Variants in POU2AF2 observed in about 807,000 individuals in gnomAD.
POU2AF2 encodes the protein POU domain class 2-associating factor 2.
At chr11:111,260,912 A>G in the POU2AF2 span, among the ~76,000 whole-genome samples, 1 of 152,180 alleles carries the variant, frequency 6.6e-6, no homozygotes, top group Non-Finnish European at 1.5e-5. Context: ...TTTATTTGTG[A>G]CGACACTGAT....
At chr11:111,251,205 G>C in the POU2AF2 span, among the ~76,000 whole-genome samples, 2 of 152,256 alleles carry the variant, frequency 1.3e-5, no homozygotes, top group African/African-American at 4.8e-5. Context: ...GTAAAGAAAA[G>C]TCAGCAGACT....
chr11:111,249,777 G>A, the POU2AF2 span, among the ~76,000 whole-genome samples: 2 of 151,966 alleles, frequency 1.3e-5, no homozygotes, highest in African/African-American at 4.8e-5. Context: ...TCATTTTCCT[G>A]ATGCTACTAC....
the POU2AF2 span, among the ~76,000 whole-genome samples, chr11:111,253,094 CCT>C: frequency 6.6e-6 from 1 of 151,988 alleles, no homozygotes; most frequent in African/African-American, 2.4e-5. Context: ...GCTTTATTCC[CCT>C]GGTTTTTCCT....
the POU2AF2 span, among the ~76,000 whole-genome samples, chr11:111,259,382 C>T: frequency 2.1e-5 from 3 of 145,156 alleles, no homozygotes; most frequent in Non-Finnish European, 4.5e-5. Context: ...GTGGCACAAT[C>T]TCGGCTCACT....
At chr11:111,251,979 C>G in the POU2AF2 span, among the ~76,000 whole-genome samples, 1 of 152,190 alleles carries the variant, frequency 6.6e-6, no homozygotes, top group East Asian at 1.9e-4. Context: ...ATTTGTTAAA[C>G]TTATTTAGAA....
At chr11:111,276,824 A>G in the POU2AF2 span, among the ~76,000 whole-genome samples, 1 of 152,042 alleles carries the variant, frequency 6.6e-6, no homozygotes, top group Non-Finnish European at 1.5e-5. Context: ...GTCAAAACAA[A>G]TAATATTTTC....
chr11:111,265,007 C>A, the POU2AF2 span, among the ~76,000 whole-genome samples: 1 of 151,986 alleles, frequency 6.6e-6, no homozygotes, highest in African/African-American at 2.4e-5. Context: ...AAAAAGACTT[C>A]TTGGAGGAAA....
the POU2AF2 span, among the ~76,000 whole-genome samples, chr11:111,266,496 T>C: frequency 6.6e-6 from 1 of 152,126 alleles, no homozygotes; most frequent in South Asian, 2.1e-4. Flanking sequence ...AAAAGACACA[T>C]AAAGCAGAAG....
chr11:111,255,723 C>T, the POU2AF2 span, among the ~76,000 whole-genome samples: 1 of 152,152 alleles, frequency 6.6e-6, no homozygotes, highest in Non-Finnish European at 1.5e-5. Flanking sequence ...AGTCAGAGTA[C>T]AAGGAAGGGA....
chr11:111,271,761 C>A, the POU2AF2 span, among the ~76,000 whole-genome samples: 1 of 152,092 alleles, frequency 6.6e-6, no homozygotes, highest in Non-Finnish European at 1.5e-5. Flanking sequence ...GCCTGTAATT[C>A]CAGCACTTTG....
At chr11:111,258,108 ACT>A in the POU2AF2 span, among the ~76,000 whole-genome samples, 2 of 152,134 alleles carry the variant, frequency 1.3e-5, no homozygotes, top group Non-Finnish European at 2.9e-5. Flanking sequence ...ACACAGTGAG[ACT>A]CTGTCTCAAA....
chr11:111,273,298 G>A, the POU2AF2 span, among the ~76,000 whole-genome samples: 24 of 152,132 alleles, frequency 1.6e-4, no homozygotes, highest in East Asian at 2.7e-3. Flanking sequence ...TTAACATCCA[G>A]CATTAACCTT....
the POU2AF2 span, among the ~76,000 whole-genome samples, chr11:111,269,933 G>T: frequency 6.6e-6 from 1 of 152,198 alleles, no homozygotes; most frequent in Non-Finnish European, 1.5e-5. Context: ...CCCAGCAATT[G>T]AAGACAGTTG....
the POU2AF2 span, among the ~76,000 whole-genome samples, chr11:111,252,007 G>A: frequency 2.6e-5 from 4 of 152,114 alleles, no homozygotes; most frequent in Admixed American, 6.6e-5. Flanking sequence ...ATTTCCCCTA[G>A]GCTTTTTGGC....
chr11:111,264,660 A>AGAGG, the POU2AF2 span, among the ~76,000 whole-genome samples: 3 of 150,788 alleles, frequency 2.0e-5, no homozygotes, highest in Admixed American at 1.3e-4. Flanking sequence ...AGAAAAAGAA[A>AGAGG]GAGGGAGGGA....
the POU2AF2 span, among the ~76,000 whole-genome samples, chr11:111,261,779 G>A: frequency 6.6e-6 from 1 of 152,146 alleles, no homozygotes; most frequent in Non-Finnish European, 1.5e-5. Context: ...GCCAGGAACA[G>A]TAAGAAAATA....
chr11:111,273,164 A>T, the POU2AF2 span, among the ~76,000 whole-genome samples: 1 of 152,230 alleles, frequency 6.6e-6, no homozygotes, highest in African/African-American at 2.4e-5. Flanking sequence ...ACACCAACCG[A>T]AATGCCCTTG....
the POU2AF2 span, among the ~76,000 whole-genome samples, chr11:111,261,223 T>C: frequency 6.6e-6 from 1 of 151,832 alleles, no homozygotes; most frequent in Admixed American, 6.6e-5. Flanking sequence ...TACCAAGATA[T>C]ATAAATGTGA....
the POU2AF2 span, among the ~76,000 whole-genome samples, chr11:111,264,922 AAAG>A: frequency 6.9e-6 from 1 of 145,440 alleles, no homozygotes; most frequent in African/African-American, 2.5e-5. Context: ...AAAGAGAAAG[AAAG>A]AAGAAAGAAA....
Sources: gnomAD v4.1 joint callset for allele counts (sites outside exome capture counted in the v4.1 genomes callset) on GRCh38, gnomAD v4.1.1 for gene constraint, MANE v1.5 for transcripts, NCBI Gene and HGNC (gene_info 2026-07-23, HGNC 2026-07-21) for gene names.